The following FRMD4A variants were observed in gnomAD, a reference collection of about 807,000 sequenced individuals.
FRMD4A encodes FERM domain containing 4A, also known as FERM domain-containing protein 4A.
A neutral mutation model predicts 129.1 loss-of-function variants in FRMD4A; 29 were observed. The observed-to-expected ratio is 0.22, with a 90% confidence interval of 0.17 to 0.31. The LOEUF is 0.31. Among genes scored for constraint, FRMD4A ranks in the 10% least tolerant of loss-of-function variants. The pLI, the probability that FRMD4A is intolerant of heterozygous loss-of-function variation, is 1.00. For synonymous variants in FRMD4A, 634 were observed against 571.6 expected, an observed-to-expected ratio of 1.11 and a Z score of -1.56; for missense variants, 1,272 against 1,375.8, an observed-to-expected ratio of 0.92 and a Z score of 1.19.
At chr10:13,991,208 G>C (rs2095602074) in intron 2 of FRMD4A, among the ~76,000 whole-genome samples, 1 of 152,126 alleles carries the variant, frequency 6.6e-6, no homozygotes, top group Non-Finnish European at 1.5e-5. Context: ...GCAACATTTA[G>C]AAAGGAAAAG....
At chr10:13,727,471 A>G (rs1396792999) in intron 12 of FRMD4A, among the ~76,000 whole-genome samples, 2 of 152,156 alleles carry the variant, frequency 1.3e-5, no homozygotes, top group East Asian at 3.8e-4. Flanking sequence ...CCCAGCCTCA[A>G]CAGTGATGGC....
At position 13,657,159 on chromosome 10, in the gene FRMD4A, C is replaced by T. The variant is rs749923225; in HGVS notation, c.2430G>A (p.Ala810=). 6 of 1,480,770 alleles carry T rather than the reference C, an allele frequency of 4.1e-6. No individual in the cohort carries two copies. The highest frequency in any genetic ancestry group is 2.2e-5 in the Admixed American group (1 of 45,686). 91.7% of individuals were successfully genotyped at this position (1,480,770 alleles called of 1,614,324 possible). A position where few individuals can be genotyped will look rare whatever the true frequency, so the allele number is the denominator to read the frequency against. Residue 810 remains alanine (A), a synonymous_variant, in exon 22 of 25, where the codon GCG becomes GCA. Transcript: ENST00000357447. ...CGCCCCCCGCGCCCCCCGCGCCCCCCGCACCCCCGCGCGCCGCCAGGTTGG... is the reference window on the plus strand; with the variant it reads ...CGCCCCCCGCGCCCCCCGCGCCCCCTGCACCCCCGCGCGCCGCCAGGTTGG... ...SMPNLAARGG[A]GGAGGAGGGV...
At chr10:13,749,681 T>A (rs1418565734) in intron 8 of FRMD4A, among the ~76,000 whole-genome samples, 5 of 151,976 alleles carry the variant, frequency 3.3e-5, no homozygotes, top group African/African-American at 1.2e-4. Flanking sequence ...GAAAAAGCAT[T>A]TTTCTGTTGC....
At chr10:14,206,613 C>T (rs1842786793) in intron 2 of FRMD4A, among the ~76,000 whole-genome samples, 1 of 151,736 alleles carries the variant, frequency 6.6e-6, no homozygotes, top group South Asian at 2.1e-4. Context: ...GCCTGGGCAA[C>T]ACGGCGAAAC....
intron 2 of FRMD4A, chr10:13,971,713 G>A (rs1270831950): frequency 2.3e-6 from 3 of 1,304,234 alleles, no homozygotes; most frequent in African/African-American, 1.5e-5. Context: ...GAACTCGAAT[G>A]TTCCTCACTT....
At chr10:13,853,333 G>C (rs2094165123) in intron 3 of FRMD4A, among the ~76,000 whole-genome samples, 2 of 152,186 alleles carry the variant, frequency 1.3e-5, no homozygotes, top group Non-Finnish European at 2.9e-5. Flanking sequence ...AATCACTTGG[G>C]ATCTGGAGTT....
chr10:13,881,284 A>ATGG (rs1253435996), intron 2 of FRMD4A, among the ~76,000 whole-genome samples: 1 of 148,818 alleles, frequency 6.7e-6, no homozygotes, highest in African/African-American at 2.5e-5. Context: ...TTAGCTGGGC[A>ATGG]TGGTGGTGCA....
intron 3 of FRMD4A, among the ~76,000 whole-genome samples, chr10:13,812,331 C>T (rs181898514): frequency 5.6e-4 from 86 of 152,268 alleles, no homozygotes; most frequent in Non-Finnish European, 1.1e-3. Flanking sequence ...GAGGGTGGGG[C>T]CCCCAAGATG....
intron 2 of FRMD4A, among the ~76,000 whole-genome samples, chr10:14,095,578 G>T (rs371047223): frequency 3.3e-4 from 51 of 152,280 alleles, no homozygotes; most frequent in African/African-American, 1.1e-3. Context: ...ACTTCTAAAC[G>T]CACTCTCAAC....
At chr10:14,314,142 G>A (rs879356731) in intron 2 of FRMD4A, among the ~76,000 whole-genome samples, 4 of 152,202 alleles carry the variant, frequency 2.6e-5, no homozygotes, top group Non-Finnish European at 5.9e-5. Context: ...TGCCACTATT[G>A]TCATTCAGCC....
chr10:14,056,071 G>A (rs928259031), intron 2 of FRMD4A, among the ~76,000 whole-genome samples: 7 of 151,984 alleles, frequency 4.6e-5, no homozygotes, highest in African/African-American at 1.4e-4. Context: ...TCACTCTGTC[G>A]CCCAGGCTGG....
intron 15 of FRMD4A, chr10:13,684,999 A>C (rs1455855949): frequency 1.0e-6 from 1 of 983,596 alleles, no homozygotes; most frequent in African/African-American, 1.7e-5. Context: ...TATGATAAAA[A>C]GATATTTATT....
chr10:13,947,440 C>A (rs955364080), intron 2 of FRMD4A, among the ~76,000 whole-genome samples: 6 of 152,020 alleles, frequency 3.9e-5, no homozygotes, highest in Non-Finnish European at 8.8e-5. Flanking sequence ...AACCAGGGCA[C>A]TCAGTTACCC....
intron 2 of FRMD4A, among the ~76,000 whole-genome samples, chr10:14,039,478 C>A (rs1215990627): frequency 6.7e-6 from 1 of 148,434 alleles, no homozygotes; most frequent in African/African-American, 2.5e-5. Flanking sequence ...ATCTATCTAT[C>A]TATCTATCTA....
chr10:13,849,359 C>A (rs2094107722), intron 3 of FRMD4A, among the ~76,000 whole-genome samples: 1 of 152,120 alleles, frequency 6.6e-6, no homozygotes, highest in South Asian at 2.1e-4. Flanking sequence ...AGGCAGACCA[C>A]AATGAGCCCA....
chr10:13,786,239 C>T (rs886852272), intron 5 of FRMD4A, among the ~76,000 whole-genome samples: 4 of 152,250 alleles, frequency 2.6e-5, no homozygotes, highest in Admixed American at 6.5e-5. Context: ...GTCCCACCAA[C>T]AGTGTAAAAG....
At chr10:14,260,646 T>C (rs1370347117) in intron 2 of FRMD4A, among the ~76,000 whole-genome samples, 1 of 152,168 alleles carries the variant, frequency 6.6e-6, no homozygotes, top group Non-Finnish European at 1.5e-5. Context: ...CCACTTCAAA[T>C]TGGGCCACTC....
chr10:14,125,625 G>A (rs1011025815), intron 2 of FRMD4A, among the ~76,000 whole-genome samples: 1 of 152,112 alleles, frequency 6.6e-6, no homozygotes, highest in Non-Finnish European at 1.5e-5. Flanking sequence ...CACAATGCTG[G>A]AGCCCAGCTA....
chr10:14,027,421 G>A (rs1833035225), intron 2 of FRMD4A, among the ~76,000 whole-genome samples: 1 of 152,186 alleles, frequency 6.6e-6, no homozygotes, highest in Admixed American at 6.5e-5. Context: ...CGGGTGGACA[G>A]CCTGACCAAT....
Sources: gnomAD v4.1 joint callset for allele counts (sites outside exome capture counted in the v4.1 genomes callset) on GRCh38, gnomAD v4.1.1 for gene constraint, MANE v1.5 for transcripts, NCBI Gene and HGNC (gene_info 2026-07-23, HGNC 2026-07-21) for gene names.